The following MORC3 variants were observed in gnomAD, a reference collection of about 807,000 sequenced individuals.
MORC3 encodes MORC family CW-type zinc finger protein 3.
A neutral mutation model predicts 109.1 loss-of-function variants in MORC3; 31 were observed. That is an observed-to-expected ratio of 0.28 (90% confidence interval 0.21 to 0.38). MORC3 has a LOEUF of 0.38. MORC3 is among the 10% of genes least tolerant of loss of function. The pLI is 1.00. For missense variants in MORC3, 867 were observed against 1,135.8 expected, an observed-to-expected ratio of 0.76 and a Z score of 3.40; for synonymous variants, 395 against 380.7, an observed-to-expected ratio of 1.04 and a Z score of -0.44.
intron 8 of MORC3, among the ~76,000 whole-genome samples, chr21:36,345,709 C>T (rs373414361): frequency 8.5e-5 from 13 of 152,230 alleles, no homozygotes; most frequent in East Asian, 7.7e-4. Context: ...CGTGTGCCAC[C>T]GCACTCGGCC....
At chr21:36,357,669 G>A (rs1442331255) in intron 10 of MORC3, among the ~76,000 whole-genome samples, 1 of 151,162 alleles carries the variant, frequency 6.6e-6, no homozygotes, top group African/African-American at 2.4e-5. Context: ...AAAGTATAAA[G>A]TTATGCTTTA....
intron 4 of MORC3, 63 bp downstream of exon 4, chr21:36,338,009 T>A: frequency 6.5e-7 from 1 of 1,543,246 alleles, no homozygotes; most frequent in Non-Finnish European, 8.9e-7. Context: ...GGAAACATTC[T>A]ATGTTTTTGC....
At chr21:36,373,424 G>A (rs1235024841) in intron 16 of MORC3, among the ~76,000 whole-genome samples, 1 of 151,962 alleles carries the variant, frequency 6.6e-6, no homozygotes, top group Non-Finnish European at 1.5e-5. Flanking sequence ...AGGAGTTCGA[G>A]ACCAGCCTGA....
rs1569106086 is a variant in MORC3 at position 36,362,249 on chromosome 21, T to C, written c.1452+21T>C. 3.1e-6 allele frequency: 5 copies of C among 1,593,718 alleles called. No individual in the cohort carries two copies. The South Asian group carries it at 5.7e-5, about 18-fold the overall frequency. ...CTCGGGTAATTAAGCCTTCTTTTTT[T>C]TTTTTTTTTTTAAATAGAGATGGGG... On this transcript the variant is annotated intron_variant, in intron 13 of 16. Coordinates refer to ENST00000400485, the MANE Select transcript of MORC3 (RefSeq NM_015358.3).
At chr21:36,332,732 T>A (rs898421454) in intron 1 of MORC3, among the ~76,000 whole-genome samples, 4 of 149,970 alleles carry the variant, frequency 2.7e-5, no homozygotes, top group African/African-American at 9.7e-5. Context: ...ATGTACTGAC[T>A]CGAGTATGGA....
chr21:36,342,985 C>T (rs2085467247), intron 6 of MORC3, among the ~76,000 whole-genome samples: 1 of 151,532 alleles, frequency 6.6e-6, no homozygotes, highest in Non-Finnish European at 1.5e-5. Flanking sequence ...CACCATTACA[C>T]TCCAGCCTGG....
intron 1 of MORC3, among the ~76,000 whole-genome samples, chr21:36,332,365 G>A (rs750107898): frequency 2.6e-5 from 4 of 152,164 alleles, no homozygotes; most frequent in Non-Finnish European, 5.9e-5. Flanking sequence ...GAACCCAGGA[G>A]GCGGAGGTTG....
Position 36,341,555 on chromosome 21 carries a change from T to C in MORC3, c.756+9T>C, listed in dbSNP as rs776678912. The C allele has an allele frequency of 6.2e-7, 1 of 1,613,672 alleles. No homozygotes were observed. Among genetic ancestry groups the C allele is most frequent in the Non-Finnish European group, 8.5e-7 (1 of 1,179,936 alleles). On this transcript the variant is annotated intron_variant, in intron 6 of 16. Coordinates refer to ENST00000400485, the MANE Select transcript of MORC3 (RefSeq NM_015358.3). ...GTGACTATTCCCTGAGGGTATGTAT[T>C]CAGCTCTCTTTGTGGAAGTGAGAAA... is the stretch of plus-strand genomic sequence containing the variant.
At chr21:36,370,850 T>C (rs1477550931) in intron 15 of MORC3, among the ~76,000 whole-genome samples, 1 of 151,406 alleles carries the variant, frequency 6.6e-6, no homozygotes, top group African/African-American at 2.4e-5. Context: ...TGTCTTTTTA[T>C]TAGAGACAGG....
At chr21:36,331,265 T>C (rs963019251) in intron 1 of MORC3, among the ~76,000 whole-genome samples, 3 of 152,134 alleles carry the variant, frequency 2.0e-5, no homozygotes, top group East Asian at 1.9e-4. Context: ...GAAAATTCTC[T>C]GCATACTGAA....
intron 14 of MORC3, among the ~76,000 whole-genome samples, chr21:36,366,146 A>G (rs2085778890): frequency 6.6e-6 from 1 of 152,148 alleles, no homozygotes. Context: ...TATTGAGCAT[A>G]GTACCCAATA....
At chr21:36,364,901 A>G (rs1273151942) in intron 14 of MORC3, among the ~76,000 whole-genome samples, 1 of 151,748 alleles carries the variant, frequency 6.6e-6, no homozygotes, top group Non-Finnish European at 1.5e-5. Flanking sequence ...AAAATATAAA[A>G]ATTAGGTGGG....
At chr21:36,328,247 G>T (rs1261088156) in intron 1 of MORC3, among the ~76,000 whole-genome samples, 1 of 151,312 alleles carries the variant, frequency 6.6e-6, no homozygotes, top group African/African-American at 2.4e-5. Flanking sequence ...TCTTTGTCCT[G>T]GTTCTTGGCA....
intron 12 of MORC3, chr21:36,360,535 C>G (rs2085701731): frequency 1.1e-5 from 5 of 455,592 alleles, no homozygotes; most frequent in African/African-American, 7.9e-5. Context: ...TGAATACCCC[C>G]CCCATTGAAG....
rs1267781609 is a variant in MORC3, at chr21:36,376,205, A to G, written c.*909A>G. ...GTTTTATATCCTAGAGTCAAGGAAC[A>G]AATTTCCTTAGGATTATAGTATTAC... is the stretch of plus-strand genomic sequence containing the variant. On this transcript the variant is annotated 3_prime_UTR_variant, in exon 17 of 17. Transcript: ENST00000400485. 6.6e-6 allele frequency: 1 copy of G among 152,628 alleles called. No homozygotes were observed. The highest frequency in any genetic ancestry group is 2.4e-5 in the African/African-American group (1 of 41,454). The allele number at this position is 152,628 out of a possible 1,614,324, so 9.5% of individuals were successfully genotyped here.
intron 5 of MORC3, among the ~76,000 whole-genome samples, chr21:36,340,638 C>T (rs866644611): frequency 1.6e-4 from 20 of 123,638 alleles, no homozygotes; most frequent in Admixed American, 2.7e-4. Context: ...TTCTTTCTTT[C>T]TTTTTTTTTT....
At chr21:36,323,809 T>A (rs1175015289) in intron 1 of MORC3, among the ~76,000 whole-genome samples, 1 of 152,152 alleles carries the variant, frequency 6.6e-6, no homozygotes, top group Non-Finnish European at 1.5e-5. Flanking sequence ...TCTTTTTTTA[T>A]TTACTGTCTT....
chr21:36,328,342 CTTTT>C (rs959569308), intron 1 of MORC3, among the ~76,000 whole-genome samples: 1 of 130,050 alleles, frequency 7.7e-6, no homozygotes. Context: ...CCCCCCCCGC[CTTTT>C]TTTTTTTTTT....
At chr21:36,340,496 T>C (rs1249446505) in intron 5 of MORC3, among the ~76,000 whole-genome samples, 4 of 152,082 alleles carry the variant, frequency 2.6e-5, no homozygotes, top group Non-Finnish European at 5.9e-5. Context: ...TTTAAGAATA[T>C]TACATAAACA....
Sources: gnomAD v4.1 joint callset for allele counts (sites outside exome capture counted in the v4.1 genomes callset) on GRCh38, gnomAD v4.1.1 for gene constraint, MANE v1.5 for transcripts, NCBI Gene and HGNC (gene_info 2026-07-23, HGNC 2026-07-21) for gene names.